The following SLC66A2 variants were observed in gnomAD, a reference collection of about 807,000 sequenced individuals.
SLC66A2 encodes PQ loop repeat containing 1.
A neutral mutation model predicts 25.5 loss-of-function variants in SLC66A2; 23 were observed. The ratio of observed to expected loss-of-function variants is 0.90; its 90% confidence interval spans 0.65 to 1.28. The LOEUF (loss-of-function observed/expected upper bound fraction) is 1.28, where lower values mean the gene tolerates loss of function less well. Among genes scored for constraint, SLC66A2 ranks in the 50% most tolerant of loss-of-function variants. The pLI, the probability that SLC66A2 is intolerant of heterozygous loss-of-function variation, is 0.00. For missense variants in SLC66A2, 396 were observed against 373.1 expected, an observed-to-expected ratio of 1.06 and a Z score of -0.51; for synonymous variants, 193 against 166.5, an observed-to-expected ratio of 1.16 and a Z score of -1.23.
At chr18:79,915,643 T>C (rs926768457) in intron 5 of SLC66A2, 1 of 152,218 alleles carries the variant, frequency 6.6e-6, no homozygotes, top group Non-Finnish European at 1.5e-5. Context: ...CCAAGCCTCC[T>C]GTGGCCCGAT....
intron 4 of SLC66A2, among the ~76,000 whole-genome samples, chr18:79,924,348 T>C (rs1157943773): frequency 6.6e-6 from 1 of 152,136 alleles, no homozygotes. Context: ...CACACACTAA[T>C]GAGTCTGTTC....
intron 5 of SLC66A2, among the ~76,000 whole-genome samples, chr18:79,911,162 T>A (rs1599499949): frequency 1.3e-5 from 2 of 152,220 alleles, no homozygotes; most frequent in African/African-American, 4.8e-5. Flanking sequence ...GGGCCACTCC[T>A]GAGGCCCCAA....
At position 79,918,628 on chromosome 18, in the gene SLC66A2, G is replaced by A. The variant is rs114936218; in HGVS notation, c.608+556C>T. Among the ~76,000 whole-genome samples, 65 of 152,356 alleles carry A rather than the reference G, an allele frequency of 4.3e-4. No individual in the cohort carries two copies. Among genetic ancestry groups the A allele is most frequent in the African/African-American group, 1.5e-3 (62 of 41,574 alleles). ...TGAGCCCGTGGGCATCATGCTGCTC[G>A]CGTTGTGCCCTACCTCTGGCGGTCA... On this transcript the variant is annotated intron_variant, in intron 5 of 5. Transcript: ENST00000397778. This position sits in a 1 kb window ranked among gnomAD's most constrained non-coding sequence, Gnocchi z 4.0.
At chr18:79,934,735 C>A (rs562851812) in intron 3 of SLC66A2, among the ~76,000 whole-genome samples, 1 of 152,226 alleles carries the variant, frequency 6.6e-6, no homozygotes, top group Non-Finnish European at 1.5e-5. Context: ...GGATTGAAGA[C>A]AGTTGATAAA....
At position 79,937,740 on chromosome 18, in the gene SLC66A2, T is replaced by C. The variant is rs1230295665; in HGVS notation, c.338-3718A>G. Among the ~76,000 whole-genome samples, 1 of 152,112 alleles carries C rather than the reference T, an allele frequency of 6.6e-6. No individual in the cohort carries two copies. Among genetic ancestry groups the C allele is most frequent in the East Asian group, 1.9e-4 (1 of 5,186 alleles). On this transcript the variant is annotated intron_variant, in intron 3 of 5. Coordinates refer to ENST00000397778, the MANE Select transcript of SLC66A2 (RefSeq NM_025078.5). This position sits in a 1 kb window ranked among gnomAD's most constrained non-coding sequence, Gnocchi z 5.4. ...TAGGGCCTCAGGGTCCGCTATCTTT[T>C]TAAAATGCTCTTTCACAGAAAGAGC...
rs1981707600 is a variant in SLC66A2 at position 79,904,322 on chromosome 18, C to T, written c.609-139G>A. 5.4e-6 allele frequency: 4 copies of T among 746,386 alleles called. No individual in the cohort carries two copies. Among genetic ancestry groups the T allele is most frequent in the South Asian group, 4.8e-5 (3 of 62,114 alleles). 46.2% of individuals were successfully genotyped at this position (746,386 alleles called of 1,614,324 possible). A position where few individuals can be genotyped will look rare whatever the true frequency, so the allele number is the denominator to read the frequency against. ...GGGGCTAAGGGGACCCCCAGGCAGTCGGCGGGGAGGCCTGGGGCTCAGGGG... is the reference window on the plus strand; with the variant it reads ...GGGGCTAAGGGGACCCCCAGGCAGTTGGCGGGGAGGCCTGGGGCTCAGGGG... On this transcript the variant is annotated intron_variant, in intron 5 of 5. Coordinates refer to ENST00000397778, the MANE Select transcript of SLC66A2 (RefSeq NM_025078.5). This position sits in a 1 kb window ranked among gnomAD's most constrained non-coding sequence, Gnocchi z 6.3.
At chr18:79,925,793 G>C (rs1402189497) in intron 4 of SLC66A2, among the ~76,000 whole-genome samples, 1 of 152,218 alleles carries the variant, frequency 6.6e-6, no homozygotes, top group Non-Finnish European at 1.5e-5. Context: ...TGGTGTAAGA[G>C]GATCTGATGG....
intron 5 of SLC66A2, among the ~76,000 whole-genome samples, chr18:79,913,994 C>T (rs928920770): frequency 2.0e-5 from 3 of 152,170 alleles, no homozygotes; most frequent in Admixed American, 6.5e-5. Flanking sequence ...CTGCAACCTC[C>T]GCCCCCCAGG....
intron 4 of SLC66A2, among the ~76,000 whole-genome samples, chr18:79,926,686 T>A (rs1985997351): frequency 6.6e-6 from 1 of 151,722 alleles, no homozygotes; most frequent in Non-Finnish European, 1.5e-5. Context: ...GATTCTTGTA[T>A]GAATTCTAAT....
rs1568328966 is a variant in SLC66A2 at position 79,937,116 on chromosome 18, C to T, written c.338-3094G>A. 1.3e-5 allele frequency among the ~76,000 whole-genome samples: 2 copies of T among 152,204 alleles called. No individual in the cohort carries two copies. Among genetic ancestry groups the T allele is most frequent in the Non-Finnish European group, 2.9e-5 (2 of 68,036 alleles). On this transcript the variant is annotated intron_variant, in intron 3 of 5. Coordinates refer to ENST00000397778, the MANE Select transcript of SLC66A2 (RefSeq NM_025078.5). The surrounding 1 kb of genome is among the most constrained non-coding windows in gnomAD (Gnocchi z 5.4). Reference sequence around the variant, plus strand: ...CTCACCAAAAAAAACTCCCTAGCTCCATCCACTGAAAAAGCCAAAAAATCA... The same window carrying T: ...CTCACCAAAAAAAACTCCCTAGCTCTATCCACTGAAAAAGCCAAAAAATCA...
At position 79,950,795 on chromosome 18, in the gene SLC66A2, C is replaced by T. The variant is rs1322204463; in HGVS notation, c.132G>A (p.Gln44=). The change falls in exon 2 of 6, where the codon CAG becomes CAA. Residue 44 remains glutamine (Q), a synonymous_variant. Coordinates refer to ENST00000397778, the MANE Select transcript of SLC66A2 (RefSeq NM_025078.5). ...VPQYRDIRRT[Q]NADGFSTYVC... is the part of the protein sequence containing the mutation. The stretch of plus-strand genomic sequence containing the variant: ...CGTAGGTGGAGAAGCCGTCGGCGTT[C>T]TGCGTCCTGCGAATGTCCCGATACT... 2 of 1,613,106 alleles carry T rather than the reference C, an allele frequency of 1.2e-6. No homozygotes were observed. Among genetic ancestry groups the T allele is most frequent in the Admixed American group, 1.7e-5 (1 of 60,010 alleles).
At chr18:79,939,291 G>T (rs1367807254) in intron 3 of SLC66A2, among the ~76,000 whole-genome samples, 1 of 152,178 alleles carries the variant, frequency 6.6e-6, no homozygotes, top group Non-Finnish European at 1.5e-5. Context: ...GGTCTGCCAA[G>T]AATTGTGCCT....
At chr18:79,916,482 G>A (rs1167563558) in intron 5 of SLC66A2, among the ~76,000 whole-genome samples, 1 of 152,256 alleles carries the variant, frequency 6.6e-6, no homozygotes, top group East Asian at 1.9e-4. Flanking sequence ...GAAGGAGCCT[G>A]CACAGAGGAC....
chr18:79,926,295 T>C (rs1985937790), intron 4 of SLC66A2, among the ~76,000 whole-genome samples: 1 of 152,262 alleles, frequency 6.6e-6, no homozygotes, highest in East Asian at 1.9e-4. Flanking sequence ...CCTCAAATTC[T>C]TTCTTGTGCG....
rs1009999971 is a variant in SLC66A2 at position 79,934,862 on chromosome 18, C to A, written c.338-840G>T. Among the ~76,000 whole-genome samples the A allele has an allele frequency of 3.9e-5, 6 of 152,214 alleles. No homozygotes were observed. In the East Asian group the frequency reaches 7.7e-4, roughly 20 times the overall value. ...AATTTTGCAAGTGAACAGCTAAAAG[C>A]AAATACGAGGTGACCTCTGACCTCT... On this transcript the variant is annotated intron_variant, in intron 3 of 5. Coordinates refer to ENST00000397778, the MANE Select transcript of SLC66A2 (RefSeq NM_025078.5).
Position 79,918,452 on chromosome 18 carries a change from G to A in SLC66A2, c.608+732C>T, listed in dbSNP as rs893181878. 5.4e-5 allele frequency among the ~76,000 whole-genome samples: 8 copies of A among 147,446 alleles called. No individual in the cohort carries two copies. The highest frequency in any genetic ancestry group is 1.0e-4 in the Non-Finnish European group (7 of 66,690). ...GGGTCCCCAGTGAGGAGCGGGCACC[G>A]GGGAGGGTCCCCAGTGAGGAGCGGC... On this transcript the variant is annotated intron_variant, in intron 5 of 5. Transcript: ENST00000397778. The surrounding 1 kb of genome is among the most constrained non-coding windows in gnomAD (Gnocchi z 4.0).
chr18:79,919,155 G>A, intron 5 of SLC66A2, 29 bp downstream of exon 5: 1 of 1,595,190 alleles, frequency 6.3e-7, no homozygotes, highest in East Asian at 2.2e-5. Context: ...TGGAGCAGTG[G>A]TGCTTCCGTG....
chr18:79,919,637 G>T lies in SLC66A2; in HGVS notation c.392-237C>A, dbSNP rs377459008. Among the ~76,000 whole-genome samples the T allele has an allele frequency of 6.2e-4, 5 of 8,016 alleles. 1 individual carries two copies. The highest frequency in any genetic ancestry group is 6.3e-3 in the Non-Finnish European group (1 of 158). 5.3% of individuals were successfully genotyped at this position (8,016 alleles called of 152,430 possible). On this transcript the variant is annotated intron_variant, in intron 4 of 5. Coordinates refer to ENST00000397778, the MANE Select transcript of SLC66A2 (RefSeq NM_025078.5). The stretch of plus-strand genomic sequence containing the variant: ...CAGTGGAGGAGAGACAGGAACCGAG[G>T]GAGAGGTCAAGGTCAGTGGGGAGAG...
intron 2 of SLC66A2, among the ~76,000 whole-genome samples, chr18:79,947,947 C>G (rs1029437666): frequency 6.6e-6 from 1 of 152,072 alleles, no homozygotes; most frequent in African/African-American, 2.4e-5. Flanking sequence ...AGGTGGGCTT[C>G]GCTGTGTGGA....
Sources: gnomAD v4.1 joint callset for allele counts (sites outside exome capture counted in the v4.1 genomes callset) on GRCh38, gnomAD v4.1.1 for gene constraint, Gnocchi (gnomAD v3.1) non-coding constraint, MANE v1.5 for transcripts, NCBI Gene and HGNC (gene_info 2026-07-23, HGNC 2026-07-21) for gene names.